Variants in FOXP1 observed in about 807,000 individuals in gnomAD.
The protein encoded by FOXP1 is forkhead box protein P1.
In FOXP1, 15 loss-of-function variants were observed where a neutral mutation model predicts 98.2. The observed-to-expected ratio is 0.15, with a 90% CI of 0.10 to 0.24. The LOEUF (loss-of-function observed/expected upper bound fraction) is 0.24. FOXP1 is among the 10% of genes least tolerant of loss of function. The pLI, the probability that FOXP1 is intolerant of heterozygous loss-of-function variation, is 1.00. For synonymous variants in FOXP1, 371 were observed against 314.5 expected (o/e 1.18, Z -1.90); for missense variants, 633 against 848.5 (o/e 0.75, Z 3.15).
chr3:71,423,448 CAT>C (rs2083821969), intron 3 of FOXP1, among the ~76,000 whole-genome samples: 1 of 152,190 alleles, frequency 6.6e-6, no homozygotes, highest in African/African-American at 2.4e-5. Context: ...AGGAAAAACA[CAT>C]TAGTCCTAAA....
chr3:71,251,132 C>T (rs907252071), intron 5 of FOXP1, among the ~76,000 whole-genome samples: 2 of 152,162 alleles, frequency 1.3e-5, no homozygotes, highest in Admixed American at 1.3e-4. Context: ...CTTTAAGAAG[C>T]TAGTTGCAAA....
chr3:71,126,708 C>T (rs2059206400), intron 6 of FOXP1, among the ~76,000 whole-genome samples: 4 of 151,518 alleles, frequency 2.6e-5, no homozygotes, highest in Admixed American at 6.6e-5. Context: ...CCTGTAGTCC[C>T]AGCTACTTAG....
intron 6 of FOXP1, among the ~76,000 whole-genome samples, chr3:71,196,987 T>C (rs2063339260): frequency 6.6e-6 from 1 of 152,226 alleles, no homozygotes; most frequent in Admixed American, 6.5e-5. Flanking sequence ...CAGGCTCATG[T>C]TGGTTCCACC....
chr3:70,977,572 A>T, intron 16 of FOXP1, 71 bp downstream of exon 16: 1 of 1,313,716 alleles, frequency 7.6e-7, no homozygotes, highest in Non-Finnish European at 1.1e-6. Context: ...TTTTAAATCT[A>T]CTTCATCAAT....
intron 2 of FOXP1, among the ~76,000 whole-genome samples, chr3:71,562,850 C>T (rs1167799689): frequency 6.6e-6 from 1 of 152,116 alleles, no homozygotes; most frequent in East Asian, 1.9e-4. Flanking sequence ...ACTTCTGGGC[C>T]CAACAGATAC....
intron 3 of FOXP1, among the ~76,000 whole-genome samples, chr3:71,422,259 C>T (rs1466386627): frequency 2.0e-5 from 3 of 152,216 alleles, no homozygotes; most frequent in African/African-American, 2.4e-5. Flanking sequence ...AGCATAAACA[C>T]GAACTTCTCA....
At position 71,531,943 on chromosome 3, in the gene FOXP1, G is replaced by A. The variant is rs148202418; in HGVS notation, c.-297-38388C>T. Among the ~76,000 whole-genome samples the A allele has an allele frequency of 3.9e-3, 600 of 152,272 alleles. 3 individuals carry two copies. Among genetic ancestry groups the A allele is most frequent in the African/African-American group, 0.013 (542 of 41,538 alleles). ...CATTTCAGAATACTCTGAAAAAACC[G>A]AATGTCATTTATGCGACTTCCACAT... On this transcript the variant is annotated intron_variant, in intron 2 of 20. Transcript: ENST00000649528.
At chr3:70,983,546 A>C (rs966327619) in intron 14 of FOXP1, among the ~76,000 whole-genome samples, 1 of 152,172 alleles carries the variant, frequency 6.6e-6, no homozygotes, top group Non-Finnish European at 1.5e-5. Context: ...AAAATCTAAT[A>C]CTATATTTCA....
At chr3:71,174,787 C>CAT in intron 6 of FOXP1, among the ~76,000 whole-genome samples, 1 of 114,698 alleles carries the variant, frequency 8.7e-6, no homozygotes, top group Non-Finnish European at 1.8e-5. Flanking sequence ...CACATGCATA[C>CAT]ACACACACAC....
intron 7 of FOXP1, among the ~76,000 whole-genome samples, chr3:71,056,448 C>T (rs567372143): frequency 6.6e-6 from 1 of 152,244 alleles, no homozygotes; most frequent in South Asian, 2.1e-4. Context: ...TGAGTCTCCC[C>T]TTCTTTTTCC....
At chr3:71,000,544 A>C (rs1306735326) in intron 13 of FOXP1, among the ~76,000 whole-genome samples, 1 of 151,940 alleles carries the variant, frequency 6.6e-6, no homozygotes, top group South Asian at 2.1e-4. Flanking sequence ...CATTCTCTCA[A>C]ACTCTCTTTC....
intron 3 of FOXP1, among the ~76,000 whole-genome samples, chr3:71,405,204 A>C (rs1210659151): frequency 6.6e-6 from 1 of 152,210 alleles, no homozygotes; most frequent in African/African-American, 2.4e-5. Context: ...GTCTCTGTGC[A>C]ACTATGGAAG....
intron 4 of FOXP1, among the ~76,000 whole-genome samples, chr3:71,341,589 C>T (rs1307005554): frequency 6.6e-6 from 1 of 152,116 alleles, no homozygotes; most frequent in African/African-American, 2.4e-5. Flanking sequence ...ATCCCAGCTA[C>T]TCGGGAGGCT....
At chr3:71,018,878 A>G (rs1404786355) in intron 11 of FOXP1, among the ~76,000 whole-genome samples, 2 of 152,174 alleles carry the variant, frequency 1.3e-5, no homozygotes, top group African/African-American at 2.4e-5. Context: ...TTTTGCACAC[A>G]TATGTGTGTT....
intron 7 of FOXP1, among the ~76,000 whole-genome samples, chr3:71,074,333 T>C (rs2053580443): frequency 6.6e-6 from 1 of 152,154 alleles, no homozygotes; most frequent in Non-Finnish European, 1.5e-5. Flanking sequence ...TTCAAGCGAT[T>C]CTTCTGCCTC....
chr3:71,005,071 C>G (rs1477582769), intron 12 of FOXP1, among the ~76,000 whole-genome samples: 3 of 151,896 alleles, frequency 2.0e-5, no homozygotes, highest in Non-Finnish European at 2.9e-5. Flanking sequence ...TGCTAAAATA[C>G]AGCTATAAAA....
chr3:71,171,170 T>A (rs996171714), intron 6 of FOXP1, among the ~76,000 whole-genome samples: 1 of 151,974 alleles, frequency 6.6e-6, no homozygotes, highest in Non-Finnish European at 1.5e-5. Context: ...GGGATAAAAG[T>A]ACATTTTATA....
chr3:71,199,563 C>T (rs1202153041), intron 5 of FOXP1, among the ~76,000 whole-genome samples: 3 of 151,106 alleles, frequency 2.0e-5, no homozygotes, highest in Non-Finnish European at 2.9e-5. Flanking sequence ...CCTGTCTCTA[C>T]TAACAGTAGA....
At chr3:71,269,089 G>GT (rs1046427522) in intron 5 of FOXP1, among the ~76,000 whole-genome samples, 25 of 135,006 alleles carry the variant, frequency 1.9e-4, no homozygotes, top group African/African-American at 3.7e-4. Context: ...TCAGAGTGGG[G>GT]TTTTTTTTGT....
Sources: gnomAD v4.1 joint callset for allele counts (sites outside exome capture counted in the v4.1 genomes callset) on GRCh38, gnomAD v4.1.1 for gene constraint, MANE v1.5 for transcripts, NCBI Gene and HGNC (gene_info 2026-07-23, HGNC 2026-07-21) for gene names.